The following ARIH1 variants were observed in gnomAD, a reference collection of about 807,000 sequenced individuals.
ARIH1 encodes ariadne RBR E3 ubiquitin protein ligase 1.
In ARIH1, 8 loss-of-function variants were observed where a neutral mutation model predicts 85.0. That is an observed-to-expected ratio of 0.09 (90% CI 0.06 to 0.17). The LOEUF (loss-of-function observed/expected upper bound fraction) is 0.17. Among genes scored for constraint, ARIH1 ranks in the 10% least tolerant of loss-of-function variants. The probability of loss-of-function intolerance (pLI) is 1.00; values close to 1 mark genes in which losing one functional copy is unlikely to be tolerated. For synonymous variants in ARIH1, 238 were observed against 253.6 expected (o/e 0.94, Z 0.59); for missense variants, 311 against 718.1 (o/e 0.43, Z 6.48).
intron 6 of ARIH1, 45 bp from the exon 7 acceptor site, chr15:72,563,349 G>C: frequency 4.5e-6 from 7 of 1,556,060 alleles, no homozygotes; most frequent in Non-Finnish European, 5.3e-6. Context: ...GTGAGCCACT[G>C]TGCCCAGCCA....
At chr15:72,553,800 C>G (rs1216592414) in intron 3 of ARIH1, among the ~76,000 whole-genome samples, 2 of 152,114 alleles carry the variant, frequency 1.3e-5, no homozygotes, top group Non-Finnish European at 2.9e-5. Context: ...TTCTGTAGTC[C>G]CAGCTATTTG....
intron 1 of ARIH1, among the ~76,000 whole-genome samples, chr15:72,487,066 CTATTAT>C (rs752734642): frequency 1.3e-5 from 2 of 151,466 alleles, no homozygotes; most frequent in Non-Finnish European, 2.9e-5. Flanking sequence ...GAATTTTCTC[CTATTAT>C]TATTATTATT....
At chr15:72,523,873 GAC>G (rs2064012408) in intron 2 of ARIH1, among the ~76,000 whole-genome samples, 2 of 145,068 alleles carry the variant, frequency 1.4e-5, no homozygotes, top group Non-Finnish European at 3.0e-5. Flanking sequence ...AGGGGGAGAA[GAC>G]ACAACATTGA....
chr15:72,483,151 C>T (rs749411928), intron 1 of ARIH1, among the ~76,000 whole-genome samples: 5 of 152,128 alleles, frequency 3.3e-5, no homozygotes, highest in East Asian at 1.9e-4. Context: ...CATGAGCCAC[C>T]GTGTCTGGCC....
chr15:72,520,204 T>G (rs1458639228), intron 2 of ARIH1, among the ~76,000 whole-genome samples: 1 of 152,226 alleles, frequency 6.6e-6, no homozygotes, highest in East Asian at 1.9e-4. Context: ...CAGTTTCTCC[T>G]TGTAGTTTCT....
chr15:72,474,524 C>T lies in ARIH1; in HGVS notation c.-116C>T. On this transcript the variant is annotated 5_prime_UTR_variant, in exon 1 of 14. Transcript: ENST00000379887. ...TGGGGAGGAGCCGCGGCTCGCGGGG[C>T]CGGAGCCAGGCCTGCGTCCGGACAT... 7.6e-7 allele frequency: 1 copy of T among 1,314,444 alleles called. No individual in the cohort carries two copies. The highest frequency in any genetic ancestry group is 1.5e-5 in the South Asian group (1 of 65,400). The allele number at this position is 1,314,444 out of a possible 1,614,324, so 81.4% of individuals were successfully genotyped here.
rs184518272 is a variant in ARIH1, at chr15:72,593,658, T to C, written c.*10366T>C. On this transcript the variant is annotated 3_prime_UTR_variant, in exon 14 of 14. Transcript: ENST00000379887. Reference sequence around the variant, plus strand: ...TGTATTTCTACATTTTCTGTTCTGTTCCATTAATCTATTTGTGTATCCTTA... The same window carrying C: ...TGTATTTCTACATTTTCTGTTCTGTCCCATTAATCTATTTGTGTATCCTTA... 1 of 152,346 alleles carries C rather than the reference T, an allele frequency of 6.6e-6. No homozygotes were observed. Among genetic ancestry groups the C allele is most frequent in the African/African-American group, 2.4e-5 (1 of 41,588 alleles). The allele number at this position is 152,346 out of a possible 1,614,324, so 9.4% of individuals were successfully genotyped here. A position where few individuals can be genotyped will look rare whatever the true frequency, so the allele number is the denominator to read the frequency against.
At chr15:72,571,574 A>G (rs1206661050) in intron 10 of ARIH1, among the ~76,000 whole-genome samples, 2 of 152,088 alleles carry the variant, frequency 1.3e-5, no homozygotes, top group Non-Finnish European at 2.9e-5. Flanking sequence ...GACTCTGAAA[A>G]ACTGTAATAG....
In ARIH1 at chr15:72,506,351, C is replaced by CAAAAAAAAAAGAA. The variant is rs528918807; in HGVS notation, c.376-11706_376-11705insGAAAAAAAAAAAA. Among the ~76,000 whole-genome samples the CAAAAAAAAAAGAA allele has an allele frequency of 1.4e-4, 10 of 73,064 alleles. 1 individual carries two copies. Among genetic ancestry groups the CAAAAAAAAAAGAA allele is most frequent in the African/African-American group, 5.2e-4 (10 of 19,314 alleles). The allele number at this position is 73,064 out of a possible 152,430, so 47.9% of individuals were successfully genotyped here. On this transcript the variant is annotated intron_variant, in intron 1 of 13. Coordinates refer to ENST00000379887, the MANE Select transcript of ARIH1 (RefSeq NM_005744.5). ...GGCGACAGAGCAAGACTCCGTCTCACAAAAAAAAAAAAAAGAAAAAAAAAA... is the reference window on the plus strand; with the variant it reads ...GGCGACAGAGCAAGACTCCGTCTCACAAAAAAAAAAGAAAAAAAAAAAAAAAAGAAAAAAAAAA...
chr15:72,474,551 A>C lies in ARIH1; in HGVS notation c.-89A>C, dbSNP rs1294039568. On this transcript the variant is annotated 5_prime_UTR_variant, in exon 1 of 14. Coordinates refer to ENST00000379887, the MANE Select transcript of ARIH1 (RefSeq NM_005744.5). The stretch of plus-strand genomic sequence containing the variant: ...GGAGCCAGGCCTGCGTCCGGACATC[A>C]GCCGGAGCCGGAGCGAGAGCCGGGG... The C allele has an allele frequency of 7.0e-7, 1 of 1,425,856 alleles. No homozygotes were observed. The allele number at this position is 1,425,856 out of a possible 1,614,324, so 88.3% of individuals were successfully genotyped here.
intron 1 of ARIH1, among the ~76,000 whole-genome samples, chr15:72,502,576 A>G (rs945724557): frequency 6.6e-6 from 1 of 152,168 alleles, no homozygotes; most frequent in Admixed American, 6.5e-5. Context: ...AGGCTAAGAC[A>G]GGCTGATTGC....
At chr15:72,560,198 A>G (rs2064191910) in intron 5 of ARIH1, among the ~76,000 whole-genome samples, 1 of 152,198 alleles carries the variant, frequency 6.6e-6, no homozygotes, top group Admixed American at 6.5e-5. Context: ...TTGGGAGGAG[A>G]AAGACAGATA....
intron 2 of ARIH1, among the ~76,000 whole-genome samples, chr15:72,539,243 T>C (rs560485945): frequency 6.6e-6 from 1 of 152,302 alleles, no homozygotes; most frequent in African/African-American, 2.4e-5. Flanking sequence ...AACTTCCAGA[T>C]AGTGCCCAGG....
intron 2 of ARIH1, among the ~76,000 whole-genome samples, chr15:72,541,862 A>G (rs548362253): frequency 1.2e-4 from 18 of 152,332 alleles, no homozygotes; most frequent in Admixed American, 9.8e-4. Flanking sequence ...GAGCAAACAT[A>G]AAGAGTGATT....
chr15:72,511,754 T>G (rs1384470365), intron 1 of ARIH1, among the ~76,000 whole-genome samples: 3 of 152,196 alleles, frequency 2.0e-5, no homozygotes, highest in African/African-American at 7.2e-5. Context: ...TTATTTCTTT[T>G]TCTTGCCATA....
At position 72,567,093 on chromosome 15, in the gene ARIH1, T is replaced by C; in HGVS notation, c.955-13T>C. On this transcript the variant is annotated splice_polypyrimidine_tract_variant and intron_variant, in intron 8 of 13. Transcript: ENST00000379887. The stretch of plus-strand genomic sequence containing the variant: ...TCTTTTGTTGTATCCTAACCGTTGT[T>C]ATTTTCAAACAGTGGTTAAAGAAAT... 6 of 1,601,154 alleles carry C rather than the reference T, an allele frequency of 3.7e-6. No homozygotes were observed. Among genetic ancestry groups the C allele is most frequent in the Non-Finnish European group, 5.1e-6 (6 of 1,172,270 alleles).
At chr15:72,510,833 T>G (rs2063947834) in intron 1 of ARIH1, among the ~76,000 whole-genome samples, 1 of 149,674 alleles carries the variant, frequency 6.7e-6, no homozygotes, top group East Asian at 2.0e-4. Context: ...TGTATTTATG[T>G]GGGTCTATTT....
chr15:72,474,901 G>A lies in ARIH1; in HGVS notation c.262G>A (p.Gly88Ser), dbSNP rs977706882. 6 of 1,447,260 alleles carry A rather than the reference G, an allele frequency of 4.1e-6. No individual in the cohort carries two copies. The highest frequency in any genetic ancestry group is 3.7e-6 in the Non-Finnish European group (4 of 1,094,648). 89.7% of individuals were successfully genotyped at this position (1,447,260 alleles called of 1,614,324 possible). Reference sequence around the variant, plus strand: ...CGGCGGCGGCGGCGGCGGCGGTGGTGGTGGCGGGCCGGGGCATGAGCAGGA... The same window carrying A: ...CGGCGGCGGCGGCGGCGGCGGTGGTAGTGGCGGGCCGGGGCATGAGCAGGA... ...GGGGGGGGGGGGGPGHEQEED... is the reference protein window; with the variant it reads ...GGGGGGGGGGSGGPGHEQEED... The change falls in exon 1 of 14, where the codon GGT (glycine) becomes AGT (serine). Residue 88 changes from glycine (G) to serine (S), a missense_variant. Gly to Ser is a moderately conservative substitution (Grantham distance 56). This residue lies in a region of ARIH1 where 157 missense variants were observed against 185.1 expected (regional missense o/e 0.85). Transcript: ENST00000379887.
At chr15:72,568,860 G>T (rs1000279525) in intron 9 of ARIH1, among the ~76,000 whole-genome samples, 1 of 152,086 alleles carries the variant, frequency 6.6e-6, no homozygotes, top group Non-Finnish European at 1.5e-5. Flanking sequence ...TCATTGATGG[G>T]CAGCATAGTC....
Sources: gnomAD v4.1 joint callset for allele counts (sites outside exome capture counted in the v4.1 genomes callset) on GRCh38, gnomAD v4.1.1 for gene constraint, gnomAD v4.1.1 regional missense constraint, MANE v1.5 for transcripts, NCBI Gene and HGNC (gene_info 2026-07-23, HGNC 2026-07-21) for gene names.